The following PRKRA variants were observed in gnomAD, a reference collection of about 807,000 sequenced individuals.
PRKRA encodes protein activator of interferon induced protein kinase EIF2AK2, also known as interferon-inducible double-stranded RNA-dependent protein kinase activator A.
In PRKRA, 22 loss-of-function variants were observed where a neutral mutation model predicts 32.4. That is an observed-to-expected ratio of 0.68 (90% confidence interval 0.49 to 0.97). PRKRA has a LOEUF of 0.97. Ranked by LOEUF, PRKRA falls within the 50% of genes least tolerant of loss-of-function variation. The pLI is 0.00. For synonymous variants in PRKRA, 139 were observed against 129.8 expected (o/e 1.07, Z -0.48); for missense variants, 319 against 375.6 (o/e 0.85, Z 1.25).
At chr2:178,439,376 AT>A (rs1481879698) in intron 6 of PRKRA, 1 of 152,112 alleles carries the variant, frequency 6.6e-6, no homozygotes, top group Non-Finnish European at 1.5e-5. Context: ...AGATACAATA[AT>A]TTTTAGCTTT....
At position 178,451,146 on chromosome 2, in the gene PRKRA, C is replaced by A; in HGVS notation, c.-116G>T. 8.0e-7 allele frequency: 1 copy of A among 1,252,228 alleles called. No homozygotes were observed. Among genetic ancestry groups the A allele is most frequent in the South Asian group, 1.5e-5 (1 of 68,648 alleles). 77.6% of individuals were successfully genotyped at this position (1,252,228 alleles called of 1,614,324 possible). ...GCGCCGCCACCTCCTCCGACTCCCCCGCCTCCTGCTTGCGTTGCTCCAGCG... is the reference window on the plus strand; with the variant it reads ...GCGCCGCCACCTCCTCCGACTCCCCAGCCTCCTGCTTGCGTTGCTCCAGCG... On this transcript the variant is annotated 5_prime_UTR_variant, in exon 1 of 8. Transcript: ENST00000325748.
intron 6 of PRKRA, 137 bp downstream of exon 6, chr2:178,441,473 G>C (rs1349135538): frequency 4.1e-6 from 3 of 724,884 alleles, no homozygotes; most frequent in Admixed American, 5.0e-5. Context: ...TAAAAATGGG[G>C]TAGGGTATAA....
chr2:178,450,744 T>G lies in PRKRA; in HGVS notation c.65+222A>C, dbSNP rs948437850. ...CCGGGCGCGCCGACCGAGCGTCACC[T>G]CCGCCCGCCCCGCGCGCCGCCAGGG... On this transcript the variant is annotated intron_variant, in intron 1 of 7. Transcript: ENST00000325748. The G allele has an allele frequency of 2.2e-6, 3 of 1,354,466 alleles. No homozygotes were observed. In the African/African-American group the frequency reaches 4.5e-5, roughly 20 times the overall value. 83.9% of individuals were successfully genotyped at this position (1,354,466 alleles called of 1,614,324 possible).
At position 178,431,969 on chromosome 2, in the gene PRKRA, A is replaced by G. The variant is rs1696671524; in HGVS notation, c.*128T>C. 1.8e-6 allele frequency: 2 copies of G among 1,099,902 alleles called. No homozygotes were observed. 68.1% of individuals were successfully genotyped at this position (1,099,902 alleles called of 1,614,324 possible). On this transcript the variant is annotated 3_prime_UTR_variant, in exon 8 of 8. Transcript: ENST00000325748. ...ACTATGAGGAGATAATTAAATCTGG[A>G]GTGTTGATGGAATCTATGAAGAGAT...
chr2:178,438,339 T>C (rs1298313733), intron 6 of PRKRA, among the ~76,000 whole-genome samples: 2 of 152,150 alleles, frequency 1.3e-5, no homozygotes, highest in Admixed American at 1.3e-4. Context: ...TCAACAAATA[T>C]ATATATATAG....
At chr2:178,437,467 C>T (rs547124248) in intron 6 of PRKRA, among the ~76,000 whole-genome samples, 84 of 152,308 alleles carry the variant, frequency 5.5e-4, no homozygotes, top group African/African-American at 2.0e-3. Flanking sequence ...CACATATATG[C>T]ACTGTATTTA....
intron 7 of PRKRA, among the ~76,000 whole-genome samples, chr2:178,435,416 C>G (rs1029108122): frequency 2.0e-5 from 3 of 149,798 alleles, no homozygotes; most frequent in African/African-American, 4.9e-5. Context: ...AATCAAGACA[C>G]CAAACACACA....
Position 178,432,086 on chromosome 2 carries a change from T to C in PRKRA, c.*11A>G, listed in dbSNP as rs550622280. 6.2e-7 allele frequency: 1 copy of C among 1,614,088 alleles called. No individual in the cohort carries two copies. Among genetic ancestry groups the C allele is most frequent in the Non-Finnish European group, 8.5e-7 (1 of 1,179,952 alleles). ...ATGTGCTACTGAAAGATTTTTTAAGTTGCTCCAGATTTACTTTCTTTCTGC... is the reference window on the plus strand; with the variant it reads ...ATGTGCTACTGAAAGATTTTTTAAGCTGCTCCAGATTTACTTTCTTTCTGC... On this transcript the variant is annotated 3_prime_UTR_variant, in exon 8 of 8. Transcript: ENST00000325748.
At chr2:178,449,594 C>T (rs1697464909) in intron 2 of PRKRA, among the ~76,000 whole-genome samples, 1 of 152,222 alleles carries the variant, frequency 6.6e-6, no homozygotes, top group African/African-American at 2.4e-5. Context: ...AAAGCATGAA[C>T]TTTAAAATTT....
At chr2:178,435,424 A>G (rs920674372) in intron 7 of PRKRA, among the ~76,000 whole-genome samples, 2 of 151,432 alleles carry the variant, frequency 1.3e-5, no homozygotes, top group Non-Finnish European at 2.9e-5. Flanking sequence ...CACCAAACAC[A>G]CACAACTAAT....
At chr2:178,432,464 C>G (rs752498286) in intron 7 of PRKRA, among the ~76,000 whole-genome samples, 1 of 152,184 alleles carries the variant, frequency 6.6e-6, no homozygotes, top group Non-Finnish European at 1.5e-5. Flanking sequence ...TCATAATGAT[C>G]TGACAGTGTT....
At chr2:178,436,705 A>C (rs1696912386) in intron 6 of PRKRA, among the ~76,000 whole-genome samples, 1 of 152,084 alleles carries the variant, frequency 6.6e-6, no homozygotes, top group Non-Finnish European at 1.5e-5. Context: ...CAATTTTCAT[A>C]TCTTTGGTTT....
In PRKRA at chr2:178,436,712, G is replaced by GT. The variant is rs1248405885; in HGVS notation, c.610-394dup. Among the ~76,000 whole-genome samples the GT allele has an allele frequency of 2.2e-4, 33 of 150,882 alleles. No homozygotes were observed. In the Middle Eastern group the frequency reaches 0.01, roughly 47 times the overall value. On this transcript the variant is annotated intron_variant, in intron 6 of 7. Coordinates refer to ENST00000325748, the MANE Select transcript of PRKRA (RefSeq NM_003690.5). ...ATATAGAACAATTTTCATATCTTTG[G>GT]TTTTTTTTGTATTAAATACCAATCA... is the stretch of plus-strand genomic sequence containing the variant.
rs1207412132 is a variant in PRKRA, at chr2:178,451,158, G to A, written c.-128C>T. 9 of 1,154,878 alleles carry A rather than the reference G, an allele frequency of 7.8e-6. No individual in the cohort carries two copies. Among genetic ancestry groups the A allele is most frequent in the Non-Finnish European group, 1.1e-5 (9 of 837,718 alleles). 71.5% of individuals were successfully genotyped at this position (1,154,878 alleles called of 1,614,324 possible). A position where few individuals can be genotyped will look rare whatever the true frequency, so the allele number is the denominator to read the frequency against. Reference sequence around the variant, plus strand: ...CCTCCGACTCCCCCGCCTCCTGCTTGCGTTGCTCCAGCGAGGGGGCAGGCA... The same window carrying A: ...CCTCCGACTCCCCCGCCTCCTGCTTACGTTGCTCCAGCGAGGGGGCAGGCA... On this transcript the variant is annotated 5_prime_UTR_variant, in exon 1 of 8. Transcript: ENST00000325748.
intron 3 of PRKRA, among the ~76,000 whole-genome samples, chr2:178,446,870 G>A (rs1575098394): frequency 1.3e-5 from 2 of 150,972 alleles, no homozygotes; most frequent in Non-Finnish European, 3.0e-5. Context: ...GCGGGCGCCT[G>A]TAGTCCCAGC....
chr2:178,433,083 A>G (rs576960483), intron 7 of PRKRA, among the ~76,000 whole-genome samples: 1 of 152,314 alleles, frequency 6.6e-6, no homozygotes, highest in African/African-American at 2.4e-5. Flanking sequence ...ATACAATGGG[A>G]TTATTTAATG....
At chr2:178,439,646 T>A (rs560343888) in intron 6 of PRKRA, 2 of 152,308 alleles carry the variant, frequency 1.3e-5, no homozygotes, top group South Asian at 2.1e-4. Context: ...CAAGGTTAAA[T>A]AAAAGTGGTG....
chr2:178,435,612 A>G (rs1696858211), intron 7 of PRKRA, among the ~76,000 whole-genome samples: 2 of 152,164 alleles, frequency 1.3e-5, no homozygotes, highest in African/African-American at 2.4e-5. Context: ...ACAGTGACAA[A>G]GTAGAGAGAA....
Position 178,451,080 on chromosome 2 carries a change from G to C in PRKRA, c.-50C>G, listed in dbSNP as rs750140633. ...TGGAGGAAGAGCGGTGCGGAGCGAC[G>C]TGCTCGCTCCCCGGGTCGCTGGTCC... is the stretch of plus-strand genomic sequence containing the variant. On this transcript the variant is annotated 5_prime_UTR_variant, in exon 1 of 8. Transcript: ENST00000325748. The C allele has an allele frequency of 1.2e-5, 19 of 1,530,054 alleles. No individual in the cohort carries two copies. Among genetic ancestry groups the C allele is most frequent in the Middle Eastern group, 1.8e-4 (1 of 5,682 alleles). 94.8% of individuals were successfully genotyped at this position (1,530,054 alleles called of 1,614,324 possible).
Sources: gnomAD v4.1 joint callset for allele counts (sites outside exome capture counted in the v4.1 genomes callset) on GRCh38, gnomAD v4.1.1 for gene constraint, MANE v1.5 for transcripts, NCBI Gene and HGNC (gene_info 2026-07-23, HGNC 2026-07-21) for gene names.